TJP3: variants seen among roughly 807,000 people sequenced by gnomAD.
The protein encoded by TJP3 is tight junction protein 3.
Under a neutral mutation model 104.2 loss-of-function variants are expected in TJP3, and 85 were observed. That is an observed-to-expected ratio of 0.82 (90% CI 0.68 to 0.98). TJP3 has a LOEUF of 0.98. TJP3 is among the 50% of genes least tolerant of loss of function. The pLI is 0.00. For synonymous variants in TJP3, 550 were observed against 550.6 expected, an observed-to-expected ratio of 1.00 and a Z score of 0.02; for missense variants, 1,367 against 1,322.8, an observed-to-expected ratio of 1.03 and a Z score of -0.52.
Position 3,746,030 on chromosome 19 carries a change from C to G in TJP3, c.1959C>G (p.Asp653Glu). ...CCACAGAGACTGTGTCCAGGACCGA[C>G]AGCCCCTCCAAGATCATCAAACTAG... ...FEIAETVSRTDSPSKIIKLDT... is the reference protein window; with the variant it reads ...FEIAETVSRTESPSKIIKLDT... Residue 653 changes from aspartate to glutamate, a missense_variant, in exon 16 of 21, where the codon GAC (aspartate) becomes GAG (glutamate). Transcript: ENST00000541714. The surrounding 1 kb of genome is among the most constrained non-coding windows in gnomAD (Gnocchi z 4.1). 1 of 1,609,062 alleles carries G rather than the reference C, an allele frequency of 6.2e-7. No individual in the cohort carries two copies. Among genetic ancestry groups the G allele is most frequent in the South Asian group, 1.1e-5 (1 of 89,938 alleles).
chr19:3,743,424 C>A (rs915305129), intron 14 of TJP3, among the ~76,000 whole-genome samples: 4 of 152,192 alleles, frequency 2.6e-5, no homozygotes, highest in African/African-American at 9.7e-5. Context: ...ACATACTTTT[C>A]CTGCAAAGGA....
chr19:3,746,217 T>C lies in TJP3; in HGVS notation c.2010+136T>C. The C allele has an allele frequency of 1.0e-6, 1 of 953,934 alleles. No homozygotes were observed. Among genetic ancestry groups the C allele is most frequent in the Non-Finnish European group, 1.6e-6 (1 of 635,168 alleles). 59.1% of individuals were successfully genotyped at this position (953,934 alleles called of 1,614,324 possible). A position where few individuals can be genotyped will look rare whatever the true frequency, so the allele number is the denominator to read the frequency against. ...TTCCATAGAGCCCCTTTTGGAGGCT[T>C]TGTGAGGCAGGAGGCCCGAGACAGA... On this transcript the variant is annotated intron_variant, in intron 16 of 20. Transcript: ENST00000541714. The surrounding 1 kb of genome is among the most constrained non-coding windows in gnomAD (Gnocchi z 4.1).
At chr19:3,724,304 T>G (rs2036575298) in intron 1 of TJP3, among the ~76,000 whole-genome samples, 1 of 151,902 alleles carries the variant, frequency 6.6e-6, no homozygotes, top group Non-Finnish European at 1.5e-5. Flanking sequence ...CACGCCATTC[T>G]CCTGCCTCAG....
intron 14 of TJP3, 44 bp downstream of exon 14, chr19:3,740,807 A>T (rs917745189): frequency 2.7e-6 from 4 of 1,475,236 alleles, no homozygotes; most frequent in African/African-American, 1.4e-5. Flanking sequence ...CCTCACACAC[A>T]GCTCCTGGTG....
chr19:3,738,538 C>A lies in TJP3; in HGVS notation c.1285-17C>A. ...GGTACCAGAGCTTTTTCTATAGCTG[C>A]ACTTGCTTTCTGGCAGGTGAATGAC... On this transcript the variant is annotated splice_polypyrimidine_tract_variant and intron_variant, in intron 11 of 20. Transcript: ENST00000541714. 3 of 1,608,174 alleles carry A rather than the reference C, an allele frequency of 1.9e-6. No homozygotes were observed. Among genetic ancestry groups the A allele is most frequent in the Non-Finnish European group, 2.6e-6 (3 of 1,175,798 alleles).
chr19:3,723,207 CA>C (rs1402738786), intron 1 of TJP3, among the ~76,000 whole-genome samples: 1 of 152,192 alleles, frequency 6.6e-6, no homozygotes, highest in Non-Finnish European at 1.5e-5. Flanking sequence ...GTAAGGTGGA[CA>C]AATCCACTCT....
chr19:3,725,113 T>A (rs992051736), intron 1 of TJP3, among the ~76,000 whole-genome samples: 1 of 151,798 alleles, frequency 6.6e-6, no homozygotes, highest in Non-Finnish European at 1.5e-5. Context: ...AACAAAAAAA[T>A]ATGCTGTGTG....
intron 1 of TJP3, among the ~76,000 whole-genome samples, chr19:3,725,230 C>G (rs941396709): frequency 1.3e-5 from 2 of 152,146 alleles, no homozygotes; most frequent in African/African-American, 2.4e-5. Flanking sequence ...CCACTGCACT[C>G]CAGCCTGGGC....
intron 19 of TJP3, 56 bp from the exon 20 acceptor site, chr19:3,750,082 T>G: frequency 6.2e-7 from 1 of 1,611,314 alleles, no homozygotes; most frequent in Non-Finnish European, 8.5e-7. Flanking sequence ...GTTATTGATC[T>G]CGACTCACCA....
intron 11 of TJP3, among the ~76,000 whole-genome samples, chr19:3,737,892 C>A (rs1747625881): frequency 6.6e-6 from 1 of 152,124 alleles, no homozygotes; most frequent in African/African-American, 2.4e-5. Context: ...CCTGTTATGA[C>A]CCTGAGAGCA....
chr19:3,740,726 C>A lies in TJP3; in HGVS notation c.1806C>A (p.Gly602=). 1 of 1,596,268 alleles carries A rather than the reference C, an allele frequency of 6.3e-7. No individual in the cohort carries two copies. The highest frequency in any genetic ancestry group is 1.8e-5 in the Admixed American group (1 of 56,926). ...ACCTCTCAGCTCTGACCCGACAGGG[C>A]CGCTACCCGCCCTACGAACGAGTGG... ...REDLSALTRQ[G]RYPPYERVVL... is the part of the protein sequence containing the mutation. The change falls in exon 14 of 21, where the codon GGC becomes GGA. Residue 602 remains glycine (G), a synonymous_variant. Coordinates refer to ENST00000541714, the MANE Select transcript of TJP3 (RefSeq NM_001267560.2).
chr19:3,728,776 G>A (rs1418238286), intron 3 of TJP3, 63 bp downstream of exon 3: 9 of 1,552,258 alleles, frequency 5.8e-6, no homozygotes, highest in Non-Finnish European at 7.9e-6. Flanking sequence ...AACCAGGCCA[G>A]GCACAGTGAC....
chr19:3,730,304 C>T lies in TJP3; in HGVS notation c.262-51C>T, dbSNP rs746440431. The stretch of plus-strand genomic sequence containing the variant: ...GGGCCACCCGGGGGCTGAGCAGAGC[C>T]TCCCCCAGCCCTTGCCTGTAGCTGA... On this transcript the variant is annotated intron_variant, in intron 4 of 20. Transcript: ENST00000541714. The surrounding 1 kb of genome is among the most constrained non-coding windows in gnomAD (Gnocchi z 7.3). The T allele has an allele frequency of 8.0e-5, 120 of 1,493,808 alleles. No individual in the cohort carries two copies. The highest frequency in any genetic ancestry group is 1.0e-4 in the Non-Finnish European group (115 of 1,114,378). The allele number at this position is 1,493,808 out of a possible 1,614,324, so 92.5% of individuals were successfully genotyped here.
chr19:3,731,314 C>G (rs1021153512), intron 5 of TJP3, among the ~76,000 whole-genome samples: 2 of 152,128 alleles, frequency 1.3e-5, no homozygotes, highest in East Asian at 3.9e-4. Flanking sequence ...ATCTGGGGGG[C>G]CCAGTGTCAC....
chr19:3,732,069 G>T lies in TJP3; in HGVS notation c.717+31G>T, dbSNP rs368393905. 446 of 1,592,848 alleles carry T rather than the reference G, an allele frequency of 2.8e-4. 2 individuals are homozygous for T. Among genetic ancestry groups the T allele is most frequent in the Non-Finnish European group, 5.7e-5 (66 of 1,167,978 alleles). ...GCCGGGCTTCTTGTCCTGAGAGCAG[G>T]GAGACAAGGCAGGGTTGGGGCGGGC... On this transcript the variant is annotated intron_variant, in intron 6 of 20. Coordinates refer to ENST00000541714, the MANE Select transcript of TJP3 (RefSeq NM_001267560.2).
intron 1 of TJP3, among the ~76,000 whole-genome samples, chr19:3,719,732 C>CAAAAA (rs34047272): frequency 1.3e-4 from 11 of 81,734 alleles, no homozygotes; most frequent in South Asian, 4.2e-4. Context: ...GACTCCGTCT[C>CAAAAA]AAAAAAAAAA....
In TJP3 at chr19:3,735,634, G is replaced by C. The variant is rs146458179; in HGVS notation, c.1055G>C (p.Arg352Pro). The change falls in exon 9 of 21, where the codon CGG (arginine) becomes CCG (proline). Residue 352 changes from arginine to proline, a missense_variant. Coordinates refer to ENST00000541714, the MANE Select transcript of TJP3 (RefSeq NM_001267560.2). ...SRTISEPDEQ[R>P]SELPRESSYD... ...ACCATCTCGGAACCAGATGAGCAAC[G>C]GTCAGGTGGGTGGTGACTCTGAGCA... The C allele has an allele frequency of 7.4e-6, 12 of 1,614,036 alleles. No individual in the cohort carries two copies. The highest frequency in any genetic ancestry group is 1.7e-5 in the Admixed American group (1 of 59,992).
chr19:3,735,123 C>T (rs1027410823), intron 8 of TJP3, among the ~76,000 whole-genome samples: 2 of 152,098 alleles, frequency 1.3e-5, no homozygotes, highest in Non-Finnish European at 2.9e-5. Context: ...GCCTCAGCCT[C>T]CCAAAGTGCT....
chr19:3,735,452 A>C (rs1209186706), intron 8 of TJP3, 114 bp from the exon 9 acceptor site: 15 of 1,040,378 alleles, frequency 1.4e-5, no homozygotes, highest in Non-Finnish European at 2.2e-5. Flanking sequence ...GCCCACCTCG[A>C]CCTCCCAAAA....
Sources: allele counts gnomAD v4.1 joint callset (sites outside exome capture counted in the v4.1 genomes callset), GRCh38; gene constraint gnomAD v4.1.1; non-coding constraint Gnocchi (gnomAD v3.1); transcripts MANE v1.5; gene names NCBI Gene and HGNC (gene_info 2026-07-23, HGNC 2026-07-21).